The following CHSY3 variants were observed in gnomAD, a reference collection of about 807,000 sequenced individuals.
The protein encoded by CHSY3 is chondroitin sulfate synthase 3.
CHSY3 carries 35 observed loss-of-function variants against 67.2 expected under a neutral mutation model. That is an observed-to-expected ratio of 0.52 (90% CI 0.40 to 0.69). CHSY3 has a LOEUF of 0.69. Ranked by LOEUF, CHSY3 falls within the 30% of genes least tolerant of loss-of-function variation. The pLI, the probability that CHSY3 is intolerant of heterozygous loss-of-function variation, is 0.00. For synonymous variants in CHSY3, 474 were observed against 434.7 expected (o/e 1.09, Z -1.12); for missense variants, 1,069 against 1,138.5 (o/e 0.94, Z 0.88).
chr5:129,988,252 T>C (rs1763261207), intron 2 of CHSY3, among the ~76,000 whole-genome samples: 1 of 152,250 alleles, frequency 6.6e-6, no homozygotes. Flanking sequence ...TCTTAGATTC[T>C]TTTAATCCTG....
intron 2 of CHSY3, among the ~76,000 whole-genome samples, chr5:130,143,756 A>ATATATATATATATATATG (rs1433405052): frequency 1.7e-4 from 17 of 101,912 alleles, no homozygotes; most frequent in African/African-American, 8.1e-4. Flanking sequence ...ATATATATAT[A>ATATATATATATATATATG]TGTGTGTGTG....
At chr5:130,020,461 A>ATTTTTTTT (rs1196155924) in intron 2 of CHSY3, among the ~76,000 whole-genome samples, 4 of 79,884 alleles carry the variant, frequency 5.0e-5, no homozygotes, top group African/African-American at 2.4e-4. Context: ...ATATATATAT[A>ATTTTTTTT]TTTTTTTTTT....
At chr5:130,150,128 G>A (rs953352703) in intron 2 of CHSY3, among the ~76,000 whole-genome samples, 2 of 152,034 alleles carry the variant, frequency 1.3e-5, no homozygotes, top group African/African-American at 4.8e-5. Flanking sequence ...CACAAAGAAT[G>A]AAAAATTATT....
At chr5:129,994,500 G>A (rs917643210) in intron 2 of CHSY3, among the ~76,000 whole-genome samples, 3 of 151,724 alleles carry the variant, frequency 2.0e-5, no homozygotes, top group Non-Finnish European at 4.4e-5. Context: ...CCAGTTGATC[G>A]CATCAGCTAC....
At chr5:130,145,310 G>A (rs925619852) in intron 2 of CHSY3, among the ~76,000 whole-genome samples, 3 of 152,144 alleles carry the variant, frequency 2.0e-5, no homozygotes, top group Non-Finnish European at 4.4e-5. Flanking sequence ...ATGTCTAACT[G>A]ATTTTTGACA....
At chr5:129,978,109 G>A (rs916441571) in intron 2 of CHSY3, among the ~76,000 whole-genome samples, 3 of 152,088 alleles carry the variant, frequency 2.0e-5, no homozygotes, top group South Asian at 2.1e-4. Flanking sequence ...TTACAATGCT[G>A]TGAATTAAAT....
At chr5:130,167,896 G>GA (rs1769793359) in intron 2 of CHSY3, among the ~76,000 whole-genome samples, 1 of 152,012 alleles carries the variant, frequency 6.6e-6, no homozygotes, top group Non-Finnish European at 1.5e-5. Flanking sequence ...AAATCTAGGA[G>GA]CTCTCCTTTT....
At chr5:130,170,254 A>C (rs1378598691) in intron 2 of CHSY3, among the ~76,000 whole-genome samples, 1 of 151,858 alleles carries the variant, frequency 6.6e-6, no homozygotes, top group East Asian at 1.9e-4. Context: ...CTTGTTTCTG[A>C]GTTAGTTCAC....
At position 130,010,693 on chromosome 5, in the gene CHSY3, CA is replaced by C. The variant is rs370928915; in HGVS notation, c.1086+102337del. Among the ~76,000 whole-genome samples, 820 of 151,904 alleles carry C rather than the reference CA, an allele frequency of 5.4e-3. 5 individuals are homozygous for C. The highest frequency in any genetic ancestry group is 0.019 in the African/African-American group (780 of 41,438). ...AAGTATTATAAAAAATCAACAAAACCAAAAGTGATGATTTGAAGAATATATA... is the reference window on the plus strand; with the variant it reads ...AAGTATTATAAAAAATCAACAAAACCAAAGTGATGATTTGAAGAATATATA... On this transcript the variant is annotated intron_variant, in intron 2 of 2. Coordinates refer to ENST00000305031, the MANE Select transcript of CHSY3 (RefSeq NM_175856.5).
chr5:129,948,457 C>T (rs1195607224), intron 2 of CHSY3, among the ~76,000 whole-genome samples: 2 of 152,192 alleles, frequency 1.3e-5, no homozygotes, highest in Non-Finnish European at 2.9e-5. Flanking sequence ...TCCTGAATTA[C>T]TTCACTTAGA....
chr5:129,953,097 A>G (rs1386892644), intron 2 of CHSY3, among the ~76,000 whole-genome samples: 1 of 152,112 alleles, frequency 6.6e-6, no homozygotes, highest in Admixed American at 6.6e-5. Flanking sequence ...CGTCATCTAC[A>G]GTAGGTATTT....
At chr5:130,104,813 G>A (rs1271760704) in intron 2 of CHSY3, among the ~76,000 whole-genome samples, 1 of 151,770 alleles carries the variant, frequency 6.6e-6, no homozygotes, top group South Asian at 2.1e-4. Context: ...GTCTTCTTAT[G>A]CTAATGAAAT....
intron 2 of CHSY3, among the ~76,000 whole-genome samples, chr5:129,979,900 TCTC>T (rs1762933203): frequency 6.6e-6 from 1 of 152,204 alleles, no homozygotes; most frequent in South Asian, 2.1e-4. Flanking sequence ...CATTTAAGAT[TCTC>T]CTATGTCTTT....
At chr5:129,906,956 C>G (rs1409401848) in intron 1 of CHSY3, among the ~76,000 whole-genome samples, 1 of 152,106 alleles carries the variant, frequency 6.6e-6, no homozygotes, top group Non-Finnish European at 1.5e-5. Context: ...GGAAGTCACT[C>G]TAGAGCAGGT....
intron 2 of CHSY3, among the ~76,000 whole-genome samples, chr5:130,013,085 A>T (rs1055411193): frequency 1.3e-5 from 2 of 152,140 alleles, no homozygotes; most frequent in Admixed American, 6.5e-5. Context: ...GAAATCCAAC[A>T]GGCCAGTTAT....
At chr5:130,011,568 G>A (rs1039530660) in intron 2 of CHSY3, among the ~76,000 whole-genome samples, 4 of 152,120 alleles carry the variant, frequency 2.6e-5, no homozygotes, top group Non-Finnish European at 4.4e-5. Context: ...GGAACAAGGC[G>A]AAGATGACTG....
intron 2 of CHSY3, among the ~76,000 whole-genome samples, chr5:129,954,328 C>A (rs1762106223): frequency 6.6e-6 from 1 of 152,022 alleles, no homozygotes; most frequent in Non-Finnish European, 1.5e-5. Flanking sequence ...TGTTCTGTTC[C>A]ATTGGTCTAT....
chr5:130,085,635 T>G (rs1477266170), intron 2 of CHSY3, among the ~76,000 whole-genome samples: 1 of 152,136 alleles, frequency 6.6e-6, no homozygotes, highest in African/African-American at 2.4e-5. Flanking sequence ...TTTTAGTTAT[T>G]TCTTGCCTTC....
At chr5:130,139,114 A>C (rs1382569088) in intron 2 of CHSY3, among the ~76,000 whole-genome samples, 3 of 152,200 alleles carry the variant, frequency 2.0e-5, no homozygotes, top group Non-Finnish European at 4.4e-5. Context: ...TAGAAAAGTT[A>C]ATTTGTTGCC....
Sources: allele counts gnomAD v4.1 joint callset (sites outside exome capture counted in the v4.1 genomes callset), GRCh38; gene constraint gnomAD v4.1.1; transcripts MANE v1.5; gene names NCBI Gene and HGNC (gene_info 2026-07-23, HGNC 2026-07-21).